The following CPNE4 variants were observed in gnomAD, a reference collection of about 807,000 sequenced individuals.
CPNE4 encodes the protein copine 4.
CPNE4 carries 25 observed loss-of-function variants against 67.9 expected under a neutral mutation model. That is an observed-to-expected ratio of 0.37 (90% CI 0.27 to 0.51). The LOEUF (loss-of-function observed/expected upper bound fraction) is 0.51, where lower values mean the gene tolerates loss of function less well. Ranked by LOEUF, CPNE4 falls within the 20% of genes least tolerant of loss-of-function variation. The pLI is 0.93. For synonymous variants in CPNE4, 242 were observed against 244.9 expected, an observed-to-expected ratio of 0.99 and a Z score of 0.11; for missense variants, 464 against 690.8, an observed-to-expected ratio of 0.67 and a Z score of 3.68.
intron 14 of CPNE4, among the ~76,000 whole-genome samples, chr3:131,549,218 G>C (rs1362739455): frequency 6.6e-6 from 1 of 152,094 alleles, no homozygotes; most frequent in East Asian, 1.9e-4. Flanking sequence ...AAGAAGGTTA[G>C]ATGAATTGAT....
Position 131,986,845 on chromosome 3 carries a change from A to C in CPNE4, c.-2+47722T>G, listed in dbSNP as rs1482789735. Among the ~76,000 whole-genome samples, 2 of 130,944 alleles carry C rather than the reference A, an allele frequency of 1.5e-5. 1 individual carries two copies. Among genetic ancestry groups the C allele is most frequent in the Non-Finnish European group, 3.2e-5 (2 of 62,460 alleles). The allele number at this position is 130,944 out of a possible 152,430, so 85.9% of individuals were successfully genotyped here. On this transcript the variant is annotated intron_variant, in intron 1 of 15. Coordinates refer to ENST00000429747, the MANE Select transcript of CPNE4 (RefSeq NM_130808.3). ...GACTCGGTCTCAAAAAAAAAAAACA[A>C]AAAAAAACAAAAACAAACAAACAAA...
At chr3:131,705,944 C>T (rs1271089753) in intron 3 of CPNE4, among the ~76,000 whole-genome samples, 4 of 152,148 alleles carry the variant, frequency 2.6e-5, no homozygotes, top group African/African-American at 9.7e-5. Context: ...AGGCCATCTG[C>T]CCCACACTTC....
intron 2 of CPNE4, among the ~76,000 whole-genome samples, chr3:131,786,107 T>A (rs1323853603): frequency 1.3e-5 from 2 of 152,094 alleles, no homozygotes; most frequent in Non-Finnish European, 2.9e-5. Flanking sequence ...GCTCTCCAGG[T>A]CTGAGGGCTA....
At chr3:131,740,178 G>A (rs982227150) in intron 2 of CPNE4, among the ~76,000 whole-genome samples, 1 of 152,146 alleles carries the variant, frequency 6.6e-6, no homozygotes, top group Non-Finnish European at 1.5e-5. Context: ...GCCTGTGACT[G>A]GTACAGCTGG....
chr3:131,716,211 C>T (rs2081681814), intron 3 of CPNE4, among the ~76,000 whole-genome samples: 1 of 151,338 alleles, frequency 6.6e-6, no homozygotes, highest in Non-Finnish European at 1.5e-5. Flanking sequence ...GTGGCAAACT[C>T]AGCCAGACAG....
chr3:131,717,925 T>C (rs2081767937), intron 3 of CPNE4, among the ~76,000 whole-genome samples: 1 of 148,288 alleles, frequency 6.7e-6, no homozygotes, highest in Non-Finnish European at 1.5e-5. Flanking sequence ...TTTCTTTCTT[T>C]CTTTCTTTCT....
intron 2 of CPNE4, among the ~76,000 whole-genome samples, chr3:131,744,342 T>C (rs2082434350): frequency 6.6e-6 from 1 of 151,982 alleles, no homozygotes; most frequent in South Asian, 2.1e-4. Flanking sequence ...AAAGACTTTT[T>C]AAAATCTTGC....
intron 10 of CPNE4, 45 bp downstream of exon 10, chr3:131,575,024 CTT>C: frequency 6.5e-7 from 1 of 1,549,866 alleles, no homozygotes; most frequent in Non-Finnish European, 8.9e-7. Context: ...CCCCTCATCT[CTT>C]GATTCCTGAA....
At position 131,766,862 on chromosome 3, in the gene CPNE4, T is replaced by G. The variant is rs530384876; in HGVS notation, c.181-43237A>C. On this transcript the variant is annotated intron_variant, in intron 2 of 15. Coordinates refer to ENST00000429747, the MANE Select transcript of CPNE4 (RefSeq NM_130808.3). The stretch of plus-strand genomic sequence containing the variant: ...TACATTTTACAATCATATTTAGTGT[T>G]TCATTTTTTCATCCTGAACATCTGC... Among the ~76,000 whole-genome samples the G allele has an allele frequency of 9.8e-5, 15 of 152,326 alleles. No homozygotes were observed. The South Asian group carries it at 2.5e-3, about 25-fold the overall frequency.
intron 2 of CPNE4, among the ~76,000 whole-genome samples, chr3:131,874,841 A>C (rs1358167089): frequency 6.6e-6 from 1 of 152,226 alleles, no homozygotes; most frequent in South Asian, 2.1e-4. Flanking sequence ...AGTCAAATTA[A>C]ACATTAAAAA....
At chr3:132,017,286 T>G in intron 1 of CPNE4, among the ~76,000 whole-genome samples, 5 of 142,912 alleles carry the variant, frequency 3.5e-5, no homozygotes, top group Admixed American at 1.4e-4. Context: ...AAGGGAGGAG[T>G]GAGAGAAGAT....
At chr3:131,601,854 G>C (rs947680414) in intron 7 of CPNE4, among the ~76,000 whole-genome samples, 1 of 152,108 alleles carries the variant, frequency 6.6e-6, no homozygotes, top group Non-Finnish European at 1.5e-5. Flanking sequence ...AGGAGATGCG[G>C]GGGATGTTGT....
At chr3:131,697,501 A>G (rs1220971364) in intron 4 of CPNE4, among the ~76,000 whole-genome samples, 1 of 152,236 alleles carries the variant, frequency 6.6e-6, no homozygotes, top group Non-Finnish European at 1.5e-5. Flanking sequence ...AGTTGGGTCC[A>G]TATACTTTCA....
intron 7 of CPNE4, among the ~76,000 whole-genome samples, chr3:131,666,803 A>C (rs1328341850): frequency 1.5e-5 from 1 of 68,806 alleles, no homozygotes; most frequent in African/African-American, 6.7e-5. Context: ...TTACAGGGGG[A>C]AAAAAAAGGG....
At chr3:131,592,207 A>G (rs933805306) in intron 7 of CPNE4, among the ~76,000 whole-genome samples, 1 of 152,202 alleles carries the variant, frequency 6.6e-6, no homozygotes, top group African/African-American at 2.4e-5. Flanking sequence ...AGTGCGTACT[A>G]TGTGCCAGAC....
At chr3:131,904,053 C>T (rs542652613) in intron 2 of CPNE4, among the ~76,000 whole-genome samples, 1 of 152,134 alleles carries the variant, frequency 6.6e-6, no homozygotes. Flanking sequence ...GGGCCCATCG[C>T]TCTTTGAAGA....
chr3:131,749,344 T>A (rs1221927966), intron 2 of CPNE4, among the ~76,000 whole-genome samples: 1 of 152,182 alleles, frequency 6.6e-6, no homozygotes, highest in Non-Finnish European at 1.5e-5. Flanking sequence ...TTATTTTAAA[T>A]TTGTAGATGT....
Position 131,937,158 on chromosome 3 carries a change from C to T in CPNE4, c.-1-31714G>A, listed in dbSNP as rs4854631. Among the ~76,000 whole-genome samples the T allele has an allele frequency of 4.7e-3, 721 of 151,922 alleles. 21 individuals carry two copies. Among genetic ancestry groups the T allele is most frequent in the Admixed American group, 0.043 (658 of 15,262 alleles). ...ACAATCAAGAAATAAATAAATAATCCTGAAATAAAAGCATTAAATATATTA... is the reference window on the plus strand; with the variant it reads ...ACAATCAAGAAATAAATAAATAATCTTGAAATAAAAGCATTAAATATATTA... On this transcript the variant is annotated intron_variant, in intron 1 of 15. Coordinates refer to ENST00000429747, the MANE Select transcript of CPNE4 (RefSeq NM_130808.3).
intron 14 of CPNE4, among the ~76,000 whole-genome samples, chr3:131,547,955 T>G (rs1264614421): frequency 6.6e-6 from 1 of 152,090 alleles, no homozygotes; most frequent in African/African-American, 2.4e-5. Flanking sequence ...TAAAACAAAA[T>G]TTTGCTTCAA....
Sources: gnomAD v4.1 joint callset for allele counts (sites outside exome capture counted in the v4.1 genomes callset) on GRCh38, gnomAD v4.1.1 for gene constraint, MANE v1.5 for transcripts, NCBI Gene and HGNC (gene_info 2026-07-23, HGNC 2026-07-21) for gene names.